Variants in CSMD1 observed in about 807,000 individuals in gnomAD.
CSMD1 encodes CUB and sushi domain-containing protein 1.
Under a neutral mutation model 417.5 loss-of-function variants are expected in CSMD1, and 213 were observed. The observed-to-expected ratio is 0.51, with a 90% CI of 0.46 to 0.57. CSMD1 has a LOEUF of 0.57. Ranked by LOEUF, CSMD1 falls within the 20% of genes least tolerant of loss-of-function variation. CSMD1 has a pLI of 0.00. For missense variants in CSMD1, 6,923 were observed against 4,529.7 expected, an observed-to-expected ratio of 1.53 and a Z score of -15.17; for synonymous variants, 2,862 against 1,736.8, an observed-to-expected ratio of 1.65 and a Z score of -16.11.
chr8:3,695,599 G>A (rs575180913), intron 7 of CSMD1, among the ~76,000 whole-genome samples: 1 of 152,052 alleles, frequency 6.6e-6, no homozygotes, highest in Non-Finnish European at 1.5e-5. Flanking sequence ...TAGTACTAGA[G>A]GAAAATGTTC....
chr8:3,790,407 T>A (rs1799671417), intron 5 of CSMD1, among the ~76,000 whole-genome samples: 1 of 152,142 alleles, frequency 6.6e-6, no homozygotes, highest in East Asian at 1.9e-4. Context: ...ACAGTTATAA[T>A]GACAATGGTG....
intron 15 of CSMD1, among the ~76,000 whole-genome samples, chr8:3,402,209 C>T (rs1236779714): frequency 1.3e-5 from 2 of 152,170 alleles, no homozygotes; most frequent in South Asian, 2.1e-4. Context: ...AGAGAACTCA[C>T]TCACACCCCT....
intron 3 of CSMD1, among the ~76,000 whole-genome samples, chr8:4,275,202 A>C (rs1796407217): frequency 6.6e-6 from 1 of 152,128 alleles, no homozygotes; most frequent in African/African-American, 2.4e-5. Context: ...TTTTAAGATA[A>C]ATTATTGTCT....
In CSMD1 at chr8:2,970,207, T is replaced by G. The variant is rs560898840; in HGVS notation, c.8923+2910A>C. Among the ~76,000 whole-genome samples, 250 of 152,340 alleles carry G rather than the reference T, an allele frequency of 1.6e-3. 1 individual carries two copies. Among genetic ancestry groups the G allele is most frequent in the Admixed American group, 3.7e-3 (57 of 15,298 alleles). ...TACTTTGCTGGACTAGAACTCATAG[T>G]GTGCCTTCATAGCCCCACAGAGGTG... On this transcript the variant is annotated intron_variant, in intron 57 of 69. Transcript: ENST00000635120.
Position 3,091,567 on chromosome 8 carries a change from A to G in CSMD1, c.7234T>C (p.Trp2412Arg). The change falls in exon 48 of 70, where the codon TGG (tryptophan) becomes CGG (arginine). Residue 2412 changes from tryptophan to arginine, a missense_variant. Coordinates refer to ENST00000635120, the MANE Select transcript of CSMD1 (RefSeq NM_033225.6). ...TTACTGGTGGCATGGTCAGTGGACC[A>G]GCGGAGATATAACTGATTACTCCTG... ...TSRSNQLYLR[W>R]STDHATSKKG... 1 of 1,610,766 alleles carries G rather than the reference A, an allele frequency of 6.2e-7. No individual in the cohort carries two copies. The highest frequency in any genetic ancestry group is 8.5e-7 in the Non-Finnish European group (1 of 1,179,220).
chr8:3,596,208 C>T (rs543859699), intron 8 of CSMD1, among the ~76,000 whole-genome samples: 37 of 152,212 alleles, frequency 2.4e-4, no homozygotes, highest in Non-Finnish European at 3.2e-4. Flanking sequence ...CCTGCACCAC[C>T]GCCCCGGCAG....
Position 3,052,451 on chromosome 8 carries a change from T to C in CSMD1, c.7660+11A>G, listed in dbSNP as rs1184165258. 1 of 1,558,934 alleles carries C rather than the reference T, an allele frequency of 6.4e-7. No homozygotes were observed. The highest frequency in any genetic ancestry group is 8.7e-7 in the Non-Finnish European group (1 of 1,150,792). On this transcript the variant is annotated intron_variant, in intron 50 of 69. Coordinates refer to ENST00000635120, the MANE Select transcript of CSMD1 (RefSeq NM_033225.6). ...ACCCACAAAGATGGGCAGATGCCCCTGAACACTTACGCTTACACGTGGGCG... is the reference window on the plus strand; with the variant it reads ...ACCCACAAAGATGGGCAGATGCCCCCGAACACTTACGCTTACACGTGGGCG...
chr8:2,977,952 T>C (rs909795406), intron 55 of CSMD1, among the ~76,000 whole-genome samples: 1 of 152,128 alleles, frequency 6.6e-6, no homozygotes, highest in Non-Finnish European at 1.5e-5. Context: ...TGTGGAGAAA[T>C]AGGAATGATT....
intron 5 of CSMD1, among the ~76,000 whole-genome samples, chr8:3,984,794 G>C (rs1427338124): frequency 7.0e-6 from 1 of 142,708 alleles, no homozygotes; most frequent in Non-Finnish European, 1.5e-5. Flanking sequence ...TGGGTGTAAA[G>C]GGAGATCACA....
chr8:4,045,148 G>A (rs900918944), intron 3 of CSMD1, among the ~76,000 whole-genome samples: 4 of 152,100 alleles, frequency 2.6e-5, no homozygotes, highest in Admixed American at 1.3e-4. Context: ...CACCTGCAGC[G>A]GCCACGCAGT....
At position 2,973,288 on chromosome 8, in the gene CSMD1, C is replaced by T. The variant is rs781188456; in HGVS notation, c.8752G>A (p.Gly2918Arg). The change falls in exon 57 of 70, where the codon GGA becomes AGA. Residue 2918 changes from glycine to arginine, a missense_variant. Transcript: ENST00000635120. ...ALPHCTGNNP[G>R]FCGDPGTPAH... The stretch of plus-strand genomic sequence containing the variant: ...GGGGTCCCCGGATCACCACAGAATC[C>T]AGGATTATTTCCTATTGAAAACAAA... 6.2e-7 allele frequency: 1 copy of T among 1,613,728 alleles called. No homozygotes were observed. Among genetic ancestry groups the T allele is most frequent in the South Asian group, 1.1e-5 (1 of 91,050 alleles).
At chr8:3,732,626 C>A (rs927057862) in intron 6 of CSMD1, among the ~76,000 whole-genome samples, 2 of 152,112 alleles carry the variant, frequency 1.3e-5, no homozygotes, top group Non-Finnish European at 2.9e-5. Flanking sequence ...CCTTTAAGAC[C>A]TTTTTGGTTT....
chr8:4,895,733 C>T (rs1438204738), intron 1 of CSMD1, among the ~76,000 whole-genome samples: 1 of 151,712 alleles, frequency 6.6e-6, no homozygotes, highest in Non-Finnish European at 1.5e-5. Flanking sequence ...TACAAAGCCT[C>T]TATTTTTCTA....
chr8:3,048,212 C>T (rs1241352484), intron 50 of CSMD1, among the ~76,000 whole-genome samples: 3 of 151,996 alleles, frequency 2.0e-5, no homozygotes, highest in South Asian at 2.1e-4. Flanking sequence ...TATAAATATT[C>T]GCGACCAACA....
intron 49 of CSMD1, among the ~76,000 whole-genome samples, chr8:3,086,317 C>T (rs1003719974): frequency 1.1e-4 from 17 of 151,948 alleles, no homozygotes; most frequent in East Asian, 1.9e-4. Context: ...AGAGGTAAAA[C>T]ATAAATAATA....
intron 2 of CSMD1, among the ~76,000 whole-genome samples, chr8:4,441,955 C>A (rs1049470449): frequency 9.9e-5 from 15 of 152,132 alleles, no homozygotes; most frequent in African/African-American, 2.9e-4. Flanking sequence ...CTGAGAAACT[C>A]AGGGGCCAAA....
At position 2,938,553 on chromosome 8, in the gene CSMD1, G is replaced by C. The variant is rs762355279; in HGVS notation, c.*32C>G. ...TCACTGCTTGTCCATCAGAGGTATGGCTATGAATCAGTCCTGTTGGGGCAC... is the reference window on the plus strand; with the variant it reads ...TCACTGCTTGTCCATCAGAGGTATGCCTATGAATCAGTCCTGTTGGGGCAC... On this transcript the variant is annotated 3_prime_UTR_variant, in exon 70 of 70. Coordinates refer to ENST00000635120, the MANE Select transcript of CSMD1 (RefSeq NM_033225.6). The C allele has an allele frequency of 1.4e-5, 22 of 1,592,170 alleles. No individual in the cohort carries two copies. The highest frequency in any genetic ancestry group is 1.7e-5 in the Non-Finnish European group (20 of 1,167,216).
chr8:3,470,013 G>C (rs547693317), intron 11 of CSMD1, among the ~76,000 whole-genome samples: 2 of 152,080 alleles, frequency 1.3e-5, no homozygotes, highest in Non-Finnish European at 2.9e-5. Context: ...AAGCCAAAAA[G>C]CGCACAGATC....
At chr8:4,826,814 AATCTTACGACTCT>A (rs1379611008) in intron 1 of CSMD1, among the ~76,000 whole-genome samples, 4 of 152,136 alleles carry the variant, frequency 2.6e-5, no homozygotes, top group African/African-American at 9.7e-5. Flanking sequence ...ACTTTTACCA[AATCTTACGACTCT>A]ATAACATTTA....
Sources: allele counts gnomAD v4.1 joint callset (sites outside exome capture counted in the v4.1 genomes callset), GRCh38; gene constraint gnomAD v4.1.1; transcripts MANE v1.5; gene names NCBI Gene and HGNC (gene_info 2026-07-23, HGNC 2026-07-21).